ACCSL: variants seen among roughly 807,000 people sequenced by gnomAD.
ACCSL encodes the protein 1-aminocyclopropane-1-carboxylate synthase homolog (inactive) like, also known as probable inactive 1-aminocyclopropane-1-carboxylate synthase-like protein 2.
In ACCSL, 55 loss-of-function variants were observed where a neutral mutation model predicts 61.7. That is an observed-to-expected ratio of 0.89 (90% CI 0.72 to 1.12). The LOEUF (loss-of-function observed/expected upper bound fraction) is 1.12, where lower values mean the gene tolerates loss of function less well. Ranked by LOEUF, ACCSL falls within the 50% of genes most tolerant of loss-of-function variation. ACCSL has a pLI of 0.00. For missense variants in ACCSL, 632 were observed against 698.0 expected (o/e 0.91, Z 1.07); for synonymous variants, 258 against 264.3 (o/e 0.98, Z 0.23).
chr11:44,022,956 C>T, the ACCSL span, among the ~76,000 whole-genome samples: 9 of 149,676 alleles, frequency 6.0e-5, no homozygotes, highest in East Asian at 2.0e-4. Context: ...TGGGCCTATG[C>T]TTTTCTTTAT....
the ACCSL span, among the ~76,000 whole-genome samples, chr11:43,939,992 C>T: frequency 6.6e-6 from 1 of 152,166 alleles, no homozygotes; most frequent in African/African-American, 2.4e-5. Context: ...AGGGAAATCC[C>T]AAATGTGACC....
the ACCSL span, among the ~76,000 whole-genome samples, chr11:43,969,402 A>G: frequency 6.6e-6 from 1 of 152,272 alleles, no homozygotes; most frequent in East Asian, 1.9e-4. Flanking sequence ...CAATTTTCTT[A>G]TTTTAAACAG....
the ACCSL span, among the ~76,000 whole-genome samples, chr11:43,952,984 A>C: frequency 5.3e-5 from 8 of 152,152 alleles, no homozygotes; most frequent in East Asian, 1.5e-3. Context: ...GCCTGTTGCT[A>C]TGCACAGTGA....
the ACCSL span, among the ~76,000 whole-genome samples, chr11:44,012,974 C>T: frequency 6.6e-6 from 1 of 152,126 alleles, no homozygotes; most frequent in Non-Finnish European, 1.5e-5. Flanking sequence ...ATCAATAGTG[C>T]CAAGGGTGAG....
At chr11:44,013,144 T>C in the ACCSL span, among the ~76,000 whole-genome samples, 1 of 152,206 alleles carries the variant, frequency 6.6e-6, no homozygotes, top group South Asian at 2.1e-4. Context: ...AAGAAAGAAG[T>C]CCAAGATACA....
In ACCSL at chr11:44,048,382, C is replaced by A. The variant is rs1260930742; in HGVS notation, c.346C>A (p.Gln116Lys). Residue 116 changes from glutamine to lysine, a missense_variant, in exon 1 of 14, where the codon CAG becomes AAG. By Grantham distance (53) the Gln-to-Lys change is moderately conservative. Coordinates refer to ENST00000378832, the MANE Select transcript of ACCSL (RefSeq NM_001031854.2). ...TGGGCAGAGGGCCCAACTCTCTGGG[C>A]AGCCTGATCCAGTTCCCCAACTGAG... ...RYGQRAQLSGQPDPVPQLSDC... is the reference protein window; with the variant it reads ...RYGQRAQLSGKPDPVPQLSDC... 1 of 1,614,070 alleles carries A rather than the reference C, an allele frequency of 6.2e-7. No homozygotes were observed. Among genetic ancestry groups the A allele is most frequent in the South Asian group, 1.1e-5 (1 of 91,090 alleles).
upstream of ACCSL, among the ~76,000 whole-genome samples, chr11:44,045,455 C>T (rs768360612): frequency 6.6e-6 from 1 of 152,026 alleles, no homozygotes; most frequent in Non-Finnish European, 1.5e-5. Context: ...CAAACAACCC[C>T]CCCCACAAAA....
chr11:43,962,469 G>A, the ACCSL span, among the ~76,000 whole-genome samples: 1 of 152,198 alleles, frequency 6.6e-6, no homozygotes, highest in African/African-American at 2.4e-5. Context: ...AAAGGAAAAG[G>A]CAAGTGTCTA....
At chr11:43,974,742 C>T in the ACCSL span, among the ~76,000 whole-genome samples, 15 of 152,266 alleles carry the variant, frequency 9.9e-5, no homozygotes, top group Non-Finnish European at 1.5e-4. Context: ...GAGAGGTCCA[C>T]GTGGTAGAAA....
At chr11:43,938,532 A>G in the ACCSL span, among the ~76,000 whole-genome samples, 4 of 152,290 alleles carry the variant, frequency 2.6e-5, no homozygotes, top group East Asian at 7.7e-4. Context: ...GGCTGCGTGC[A>G]GTGACTCACG....
the ACCSL span, among the ~76,000 whole-genome samples, chr11:44,031,076 T>G: frequency 6.6e-6 from 1 of 152,194 alleles, no homozygotes; most frequent in African/African-American, 2.4e-5. Context: ...CCCTGCCTTG[T>G]GTTAGCTGTG....
the ACCSL span, among the ~76,000 whole-genome samples, chr11:43,968,246 G>A: frequency 6.8e-6 from 1 of 147,388 alleles, no homozygotes; most frequent in East Asian, 2.0e-4. Context: ...GACCCTTTAG[G>A]GTGAAAGTAT....
chr11:43,924,697 C>A, the ACCSL span, among the ~76,000 whole-genome samples: 1 of 152,264 alleles, frequency 6.6e-6, no homozygotes, highest in African/African-American at 2.4e-5. Context: ...TGGGTCATCG[C>A]TGCCTGAGTC....
chr11:44,042,693 C>CT, the ACCSL span, among the ~76,000 whole-genome samples: 2 of 151,372 alleles, frequency 1.3e-5, no homozygotes, highest in African/African-American at 4.9e-5. Flanking sequence ...AACTAGCTCA[C>CT]TTTTTTCTAC....
At chr11:43,936,243 G>T in the ACCSL span, among the ~76,000 whole-genome samples, 1 of 152,172 alleles carries the variant, frequency 6.6e-6, no homozygotes, top group African/African-American at 2.4e-5. Flanking sequence ...GCTCGGGCTG[G>T]CTTCCTCTTT....
chr11:44,005,254 AC>A, the ACCSL span, among the ~76,000 whole-genome samples: 209 of 151,636 alleles, frequency 1.4e-3, 2 homozygotes, highest in East Asian at 0.029. Context: ...CCCATTCAGC[AC>A]CCCCTCCCCG....
At chr11:44,030,310 C>A in the ACCSL span, among the ~76,000 whole-genome samples, 1 of 151,646 alleles carries the variant, frequency 6.6e-6, no homozygotes, top group Admixed American at 6.6e-5. Context: ...TTCTCCCCAC[C>A]TTTCCCTAAA....
chr11:44,013,523 C>G, the ACCSL span, among the ~76,000 whole-genome samples: 1 of 152,160 alleles, frequency 6.6e-6, no homozygotes, highest in Admixed American at 6.5e-5. Flanking sequence ...GAACCCCTGA[C>G]CTCAGGTGAT....
chr11:44,005,478 A>AG, the ACCSL span, among the ~76,000 whole-genome samples: 3 of 152,096 alleles, frequency 2.0e-5, no homozygotes, highest in South Asian at 6.2e-4. Context: ...TCCTCGACTC[A>AG]GGGGCTCTGG....
Sources: allele counts gnomAD v4.1 joint callset (sites outside exome capture counted in the v4.1 genomes callset), GRCh38; gene constraint gnomAD v4.1.1; transcripts MANE v1.5; gene names NCBI Gene and HGNC (gene_info 2026-07-23, HGNC 2026-07-21).